Variants in RBFOX1 observed in about 807,000 individuals in gnomAD.
RBFOX1 encodes RNA binding fox-1 homolog 1.
In RBFOX1, 8 loss-of-function variants were observed where a neutral mutation model predicts 57.7. The observed-to-expected ratio is 0.14, with a 90% CI of 0.08 to 0.25. The LOEUF (loss-of-function observed/expected upper bound fraction) is 0.25, where lower values mean the gene tolerates loss of function less well. RBFOX1 is among the 10% of genes least tolerant of loss of function. The pLI, the probability that RBFOX1 is intolerant of heterozygous loss-of-function variation, is 1.00. For missense variants in RBFOX1, 611 were observed against 548.5 expected (o/e 1.11, Z -1.14); for synonymous variants, 326 against 222.4 (o/e 1.47, Z -4.15).
chr16:5,900,850 C>T (rs1252608909), intron 4 of RBFOX1, among the ~76,000 whole-genome samples: 1 of 152,164 alleles, frequency 6.6e-6, no homozygotes, highest in Non-Finnish European at 1.5e-5. Context: ...TCCCTCCCGG[C>T]CCCAGAGCCC....
rs1305527271 is a variant in RBFOX1, at chr16:7,710,757, A to T, written c.*12A>T. The T allele has an allele frequency of 1.3e-6, 2 of 1,551,920 alleles. No homozygotes were observed. The highest frequency in any genetic ancestry group is 1.7e-6 in the Non-Finnish European group (2 of 1,151,552). On this transcript the variant is annotated 3_prime_UTR_variant, in exon 16 of 16. Transcript: ENST00000550418. The stretch of plus-strand genomic sequence containing the variant: ...TTGCTCCATACTAAATGACAAAACC[A>T]TAAAAACCTTCCAATGTGGGGAGAA...
intron 4 of RBFOX1, among the ~76,000 whole-genome samples, chr16:7,203,245 A>C (rs970172064): frequency 2.6e-5 from 4 of 152,242 alleles, no homozygotes; most frequent in Admixed American, 1.3e-4. Context: ...CATGCTTCAC[A>C]AATGAGCCCT....
chr16:6,679,132 T>A (rs991557213), intron 3 of RBFOX1, among the ~76,000 whole-genome samples: 2 of 152,094 alleles, frequency 1.3e-5, no homozygotes, highest in Non-Finnish European at 2.9e-5. Context: ...CAGCCAGAAT[T>A]TCACAACTGA....
At position 7,375,802 on chromosome 16, in the gene RBFOX1, T is replaced by C. The variant is rs2097675776; in HGVS notation, c.28-142345T>C. Among the ~76,000 whole-genome samples, 6 of 152,324 alleles carry C rather than the reference T, an allele frequency of 3.9e-5. No individual in the cohort carries two copies. The South Asian group carries it at 1.2e-3, about 32-fold the overall frequency. ...CTCCCCCCATGCTTTAATGAATAAT[T>C]TTAATCTACTTTGTAATTAAGACAC... On this transcript the variant is annotated intron_variant, in intron 4 of 15. Coordinates refer to ENST00000550418, the MANE Select transcript of RBFOX1 (RefSeq NM_018723.4).
At chr16:6,386,840 G>C (rs1458743621) in intron 2 of RBFOX1, among the ~76,000 whole-genome samples, 2 of 152,186 alleles carry the variant, frequency 1.3e-5, no homozygotes, top group African/African-American at 4.8e-5. Flanking sequence ...GGGCCAGATA[G>C]GGCTGGGAGG....
At chr16:7,702,843 A>T (rs982342232) in intron 14 of RBFOX1, among the ~76,000 whole-genome samples, 3 of 152,214 alleles carry the variant, frequency 2.0e-5, no homozygotes, top group African/African-American at 7.2e-5. Context: ...TCAACACATC[A>T]TTTATTTTTC....
chr16:5,398,461 G>A (rs1471655395), intron 1 of RBFOX1, among the ~76,000 whole-genome samples: 1 of 151,882 alleles, frequency 6.6e-6, no homozygotes, highest in Non-Finnish European at 1.5e-5. Flanking sequence ...GTATGTGTAT[G>A]CATGTGTGTG....
At chr16:5,350,228 A>G (rs1354022239) in intron 1 of RBFOX1, among the ~76,000 whole-genome samples, 1 of 152,194 alleles carries the variant, frequency 6.6e-6, no homozygotes, top group African/African-American at 2.4e-5. Context: ...CCCCTTTGCC[A>G]TGAGAAACTC....
chr16:6,765,409 G>C (rs1161232380), intron 3 of RBFOX1, among the ~76,000 whole-genome samples: 5 of 152,264 alleles, frequency 3.3e-5, no homozygotes, highest in African/African-American at 9.6e-5. Context: ...AGAGGATCAG[G>C]AAAAATAACT....
chr16:5,465,976 G>A (rs1378712339), intron 1 of RBFOX1, among the ~76,000 whole-genome samples: 1 of 152,180 alleles, frequency 6.6e-6, no homozygotes, highest in Admixed American at 6.5e-5. Context: ...TGGAGCCCTT[G>A]ATGGGACCAG....
intron 4 of RBFOX1, among the ~76,000 whole-genome samples, chr16:7,324,908 C>G (rs1329405802): frequency 6.6e-6 from 1 of 152,172 alleles, no homozygotes; most frequent in Admixed American, 6.5e-5. Context: ...ATCCTTTTTA[C>G]TGTTTTGGTT....
At chr16:6,557,691 A>T (rs2097124528) in intron 2 of RBFOX1, among the ~76,000 whole-genome samples, 1 of 152,204 alleles carries the variant, frequency 6.6e-6, no homozygotes, top group African/African-American at 2.4e-5. Flanking sequence ...CAAGTATCTC[A>T]TTGCAAACTG....
intron 3 of RBFOX1, among the ~76,000 whole-genome samples, chr16:5,686,479 T>G (rs1195546363): frequency 6.6e-6 from 1 of 152,176 alleles, no homozygotes; most frequent in Non-Finnish European, 1.5e-5. Flanking sequence ...GGTAGCTGTT[T>G]CCTGTGCCTC....
chr16:6,930,279 G>C (rs939504734), intron 3 of RBFOX1, among the ~76,000 whole-genome samples: 1 of 152,112 alleles, frequency 6.6e-6, no homozygotes, highest in Non-Finnish European at 1.5e-5. Flanking sequence ...TTGAATAGAC[G>C]TGTCTCCAAA....
intron 10 of RBFOX1, among the ~76,000 whole-genome samples, chr16:7,613,438 G>C (rs1202700479): frequency 6.6e-6 from 1 of 152,104 alleles, no homozygotes; most frequent in African/African-American, 2.4e-5. Context: ...GATCACCAAA[G>C]TCACCTCGAC....
At chr16:6,083,191 T>TG (rs1567413442) in intron 1 of RBFOX1, among the ~76,000 whole-genome samples, 1 of 152,028 alleles carries the variant, frequency 6.6e-6, no homozygotes, top group Non-Finnish European at 1.5e-5. Context: ...TTAGTGGAGA[T>TG]GGGGTTTCAC....
intron 4 of RBFOX1, among the ~76,000 whole-genome samples, chr16:7,372,437 T>A (rs1041668228): frequency 2.6e-5 from 4 of 152,200 alleles, no homozygotes; most frequent in Non-Finnish European, 5.9e-5. Context: ...TTATTTCTTT[T>A]ATTTATTTGT....
At chr16:7,634,572 G>GT (rs2061472661) in intron 11 of RBFOX1, among the ~76,000 whole-genome samples, 1 of 152,022 alleles carries the variant, frequency 6.6e-6, no homozygotes, top group African/African-American at 2.4e-5. Flanking sequence ...TAACAGTGAG[G>GT]TTTTCTCCCC....
intron 1 of RBFOX1, among the ~76,000 whole-genome samples, chr16:5,443,191 T>A (rs961627182): frequency 6.6e-6 from 1 of 152,078 alleles, no homozygotes; most frequent in Admixed American, 6.5e-5. Context: ...GTTGCAGTAG[T>A]CCCAGGAGAC....
Sources: allele counts gnomAD v4.1 joint callset (sites outside exome capture counted in the v4.1 genomes callset), GRCh38; gene constraint gnomAD v4.1.1; transcripts MANE v1.5; gene names NCBI Gene and HGNC (gene_info 2026-07-23, HGNC 2026-07-21).